GPIHBP1: variants seen among roughly 807,000 people sequenced by gnomAD.
GPIHBP1 encodes glycosylphosphatidylinositol-anchored high density lipoprotein-binding protein 1.
Under a neutral mutation model 13.0 loss-of-function variants are expected in GPIHBP1, and 11 were observed. The ratio of observed to expected loss-of-function variants is 0.84; its 90% confidence interval spans 0.53 to 1.40. GPIHBP1 has a LOEUF of 1.40. GPIHBP1 is among the 40% of genes most tolerant of loss of function. The pLI is 0.00. For missense variants in GPIHBP1, 231 were observed against 241.1 expected (o/e 0.96, Z 0.28); for synonymous variants, 106 against 102.2 (o/e 1.04, Z -0.22).
intron 1 of GPIHBP1, 62 bp from the exon 2 acceptor site, chr8:143,213,760 C>G: frequency 6.4e-7 from 1 of 1,567,188 alleles, no homozygotes; most frequent in South Asian, 1.2e-5. Context: ...ACGATGCTTG[C>G]CCAGAGCAGG....
At position 143,213,875 on chromosome 8, in the gene GPIHBP1, G is replaced by A; in HGVS notation, c.106G>A (p.Asp36Asn). The A allele has an allele frequency of 6.4e-7, 1 of 1,553,740 alleles. No homozygotes were observed. Among genetic ancestry groups the A allele is most frequent in the Non-Finnish European group, 8.7e-7 (1 of 1,148,280 alleles). The part of the protein sequence containing the change: ...EEEEDEDHGP[D>N]DYDEEDEDEV... The stretch of plus-strand genomic sequence containing the variant: ...GGAAGAGGACGAGGACCACGGGCCA[G>A]ATGACTACGACGAGGAAGATGAGGA... The change falls in exon 2 of 4, where the codon GAT (aspartate) becomes AAT (asparagine). Residue 36 changes from aspartate to asparagine, a missense_variant. Physicochemically the swap from Asp to Asn is conservative, Grantham distance 23 (BLOSUM62 1). Transcript: ENST00000622500.
Position 143,214,779 on chromosome 8 carries a change from G to A in GPIHBP1, c.182-234G>A, listed in dbSNP as rs991135751. ...AGCATTGTCGCAGGACGTGAGTGATGATGGGAAGTTCGCCCTGCCTGACCC... is the reference window on the plus strand; with the variant it reads ...AGCATTGTCGCAGGACGTGAGTGATAATGGGAAGTTCGCCCTGCCTGACCC... On this transcript the variant is annotated intron_variant, in intron 2 of 3. Transcript: ENST00000622500. The surrounding 1 kb of genome is among the most constrained non-coding windows in gnomAD (Gnocchi z 4.1). Among the ~76,000 whole-genome samples, 1 of 152,232 alleles carries A rather than the reference G, an allele frequency of 6.6e-6. No homozygotes were observed. The highest frequency in any genetic ancestry group is 2.4e-5 in the African/African-American group (1 of 41,458).
At position 143,215,265 on chromosome 8, in the gene GPIHBP1, G is replaced by A. The variant is rs761154174; in HGVS notation, c.302G>A (p.Gly101Asp). The part of the protein sequence containing the change: ...TLIAHGNTES[G>D]LLTTHSTWCT... Reference sequence around the variant, plus strand: ...TCCCCACTCCCCTTCCCAGAGTCAGGCCTCCTGACCACCCACTCCACGTGG... The same window carrying A: ...TCCCCACTCCCCTTCCCAGAGTCAGACCTCCTGACCACCCACTCCACGTGG... The change falls in exon 4 of 4, where the codon GGC becomes GAC. Residue 101 changes from glycine (G) to aspartate (D), a missense_variant. Physicochemically the swap from Gly to Asp is moderately conservative, Grantham distance 94 (BLOSUM62 -1). Coordinates refer to ENST00000622500, the MANE Select transcript of GPIHBP1 (RefSeq NM_178172.6). 1 of 1,612,968 alleles carries A rather than the reference G, an allele frequency of 6.2e-7. No individual in the cohort carries two copies. Among genetic ancestry groups the A allele is most frequent in the Middle Eastern group, 1.6e-4 (1 of 6,062 alleles).
Position 143,216,159 on chromosome 8 carries a change from G to T in GPIHBP1, c.*641G>T, listed in dbSNP as rs1816307903. 1 of 153,674 alleles carries T rather than the reference G, an allele frequency of 6.5e-6. No homozygotes were observed. Among genetic ancestry groups the T allele is most frequent in the Non-Finnish European group, 1.4e-5 (1 of 69,088 alleles). 9.5% of individuals were successfully genotyped at this position (153,674 alleles called of 1,614,324 possible). ...GTATGAAGAGGATGGGGCCAGCGGG[G>T]CCTGTCTGGCTATGGCGTGAGCACC... On this transcript the variant is annotated 3_prime_UTR_variant, in exon 4 of 4. Transcript: ENST00000622500.
chr8:143,213,990 G>A (rs1251513882), intron 2 of GPIHBP1, 40 bp downstream of exon 2: 1 of 1,548,212 alleles, frequency 6.5e-7, no homozygotes. Context: ...TGCCTGATCT[G>A]CCTGGAGCAT....
Position 143,215,559 on chromosome 8 carries a change from C to T in GPIHBP1, c.*41C>T, listed in dbSNP as rs1177498092. On this transcript the variant is annotated 3_prime_UTR_variant, in exon 4 of 4. Coordinates refer to ENST00000622500, the MANE Select transcript of GPIHBP1 (RefSeq NM_178172.6). ...CACCCCCACCCGGCTCACCCCCGGC[C>T]CTGCCAGCACTCTGTCTGGTACCTT... 2 of 1,473,852 alleles carry T rather than the reference C, an allele frequency of 1.4e-6. No individual in the cohort carries two copies. Among genetic ancestry groups the T allele is most frequent in the African/African-American group, 2.8e-5 (2 of 71,758 alleles). 91.3% of individuals were successfully genotyped at this position (1,473,852 alleles called of 1,614,324 possible). A position where few individuals can be genotyped will look rare whatever the true frequency, so the allele number is the denominator to read the frequency against.
Position 143,214,979 on chromosome 8 carries a change from GC to G in GPIHBP1, c.182-31del, listed in dbSNP as rs1394011180. On this transcript the variant is annotated intron_variant, in intron 2 of 3. Coordinates refer to ENST00000622500, the MANE Select transcript of GPIHBP1 (RefSeq NM_178172.6). This position sits in a 1 kb window ranked among gnomAD's most constrained non-coding sequence, Gnocchi z 4.1. ...GGGACGTGGGAGGAGACCCTGGGGG[GC>G]CCGGCCTCGGCCTGAGCCCGCCTTG... 3 of 1,438,688 alleles carry G rather than the reference GC, an allele frequency of 2.1e-6. No individual in the cohort carries two copies. Among genetic ancestry groups the G allele is most frequent in the Non-Finnish European group, 2.9e-6 (3 of 1,045,992 alleles). 89.1% of individuals were successfully genotyped at this position (1,438,688 alleles called of 1,614,324 possible).
At position 143,213,888 on chromosome 8, in the gene GPIHBP1, A is replaced by T; in HGVS notation, c.119A>T (p.Glu40Val). 1 of 1,552,328 alleles carries T rather than the reference A, an allele frequency of 6.4e-7. No individual in the cohort carries two copies. The highest frequency in any genetic ancestry group is 2.4e-5 in the East Asian group (1 of 41,004). Residue 40 changes from glutamate (E) to valine (V), a missense_variant, in exon 2 of 4, where the codon GAG becomes GTG. Physicochemically the swap from Glu to Val is moderately radical, Grantham distance 121. Coordinates refer to ENST00000622500, the MANE Select transcript of GPIHBP1 (RefSeq NM_178172.6). ...GACCACGGGCCAGATGACTACGACG[A>T]GGAAGATGAGGATGAGGTGGAAGAG... Reference protein sequence around the residue: ...DEDHGPDDYDEEDEDEVEEEE... With the variant: ...DEDHGPDDYDVEDEDEVEEEE...
In GPIHBP1 at chr8:143,214,857, G is replaced by A. The variant is rs1816276609; in HGVS notation, c.182-156G>A. 6.6e-6 allele frequency among the ~76,000 whole-genome samples: 1 copy of A among 152,212 alleles called. No individual in the cohort carries two copies. Among genetic ancestry groups the A allele is most frequent in the Admixed American group, 6.5e-5 (1 of 15,284 alleles). Reference sequence around the variant, plus strand: ...GCTCACGCACACAGCACAGCTTACAGGACCAAGTCAGGGGTCGCCCGCCCA... The same window carrying A: ...GCTCACGCACACAGCACAGCTTACAAGACCAAGTCAGGGGTCGCCCGCCCA... On this transcript the variant is annotated intron_variant, in intron 2 of 3. Coordinates refer to ENST00000622500, the MANE Select transcript of GPIHBP1 (RefSeq NM_178172.6). The surrounding 1 kb of genome is among the most constrained non-coding windows in gnomAD (Gnocchi z 4.1).
rs560796636 is a variant in GPIHBP1, at chr8:143,214,824, A to G, written c.182-189A>G. Among the ~76,000 whole-genome samples the G allele has an allele frequency of 1.3e-5, 2 of 152,258 alleles. No homozygotes were observed. The highest frequency in any genetic ancestry group is 3.9e-4 in the East Asian group (2 of 5,176). On this transcript the variant is annotated intron_variant, in intron 2 of 3. Transcript: ENST00000622500. This position sits in a 1 kb window ranked among gnomAD's most constrained non-coding sequence, Gnocchi z 4.1. ...TGACCCGCAATCCCTTGCCCCCTAA[A>G]CACACAGGCTCACGCACACAGCACA...
chr8:143,215,153 T>C (rs56046179), intron 3 of GPIHBP1, 27 bp downstream of exon 3: 1,440,601 of 1,610,008 alleles, frequency 0.89, 646,223 homozygotes, highest in Middle Eastern at 0.93. Context: ...CCGCAGCACA[T>C]GCACCCCCAG....
intron 3 of GPIHBP1, 63 bp from the exon 4 acceptor site, chr8:143,215,196 C>T: frequency 6.2e-7 from 1 of 1,611,790 alleles, no homozygotes; most frequent in Non-Finnish European, 8.5e-7. Context: ...GGAACAGAGC[C>T]CTGCAGAGCC....
rs952858869 is a variant in GPIHBP1, at chr8:143,214,695, G to A, written c.182-318G>A. Among the ~76,000 whole-genome samples the A allele has an allele frequency of 7.9e-5, 12 of 152,152 alleles. No individual in the cohort carries two copies. The highest frequency in any genetic ancestry group is 1.8e-4 in the Non-Finnish European group (12 of 68,028). ...TCCTCTGCCAGGCCTGGTGCTCCTG[G>A]AGGCAGGACTGAGTCAGACCCACCT... On this transcript the variant is annotated intron_variant, in intron 2 of 3. Transcript: ENST00000622500. This position sits in a 1 kb window ranked among gnomAD's most constrained non-coding sequence, Gnocchi z 4.1.
At chr8:143,213,387 A>C in intron 1 of GPIHBP1, 68 bp downstream of exon 1, 1 of 1,303,104 alleles carries the variant, frequency 7.7e-7, no homozygotes, top group Non-Finnish European at 1.1e-6. Flanking sequence ...AGGGACCTCC[A>C]GGGACCCCCA....
In GPIHBP1 at chr8:143,215,640, C is replaced by A. The variant is rs1408800183; in HGVS notation, c.*122C>A. 1.1e-6 allele frequency: 1 copy of A among 873,426 alleles called. No individual in the cohort carries two copies. The highest frequency in any genetic ancestry group is 1.7e-6 in the Non-Finnish European group (1 of 581,796). The allele number at this position is 873,426 out of a possible 1,614,324, so 54.1% of individuals were successfully genotyped here. ...ATGGATTTGGAGTGTCTTGGGCGATCCAGCCAGCGCAGGCCCCCCGGCCCG... is the reference window on the plus strand; with the variant it reads ...ATGGATTTGGAGTGTCTTGGGCGATACAGCCAGCGCAGGCCCCCCGGCCCG... On this transcript the variant is annotated 3_prime_UTR_variant, in exon 4 of 4. Transcript: ENST00000622500.
intron 1 of GPIHBP1, 30 bp from the exon 2 acceptor site, chr8:143,213,792 T>G (rs1816257203): frequency 1.3e-5 from 21 of 1,574,760 alleles, no homozygotes; most frequent in Non-Finnish European, 1.7e-5. Context: ...CCCGGGTAGC[T>G]GAGGCTTACA....
At chr8:143,213,709 G>A (rs1376160268) in intron 1 of GPIHBP1, 113 bp from the exon 2 acceptor site, 1 of 1,475,234 alleles carries the variant, frequency 6.8e-7, no homozygotes, top group African/African-American at 1.4e-5. Context: ...CAGCCACCCT[G>A]GGGCCCGAGG....
chr8:143,215,453 G>A lies in GPIHBP1; in HGVS notation c.490G>A (p.Val164Met). Residue 164 changes from valine (V) to methionine (M), a missense_variant, in exon 4 of 4, where the codon GTG becomes ATG. By Grantham distance (21) the Val-to-Met change is conservative. Transcript: ENST00000622500. ...AGGPRGSSET[V>M]GAALLLNLLA... The stretch of plus-strand genomic sequence containing the variant: ...CGGCCCCCGGGGCAGCTCCGAAACT[G>A]TGGGCGCAGCCCTCCTGCTCAACCT... 1.1e-5 allele frequency: 17 copies of A among 1,612,360 alleles called. No homozygotes were observed. The highest frequency in any genetic ancestry group is 1.4e-5 in the Non-Finnish European group (17 of 1,179,880).
chr8:143,213,540 G>A (rs1478510482), intron 1 of GPIHBP1, among the ~76,000 whole-genome samples: 1 of 151,922 alleles, frequency 6.6e-6, no homozygotes, highest in African/African-American at 2.4e-5. Context: ...TACCATAAAG[G>A]GCCAGCCCAC....
Sources: allele counts gnomAD v4.1 joint callset (sites outside exome capture counted in the v4.1 genomes callset), GRCh38; gene constraint gnomAD v4.1.1; non-coding constraint Gnocchi (gnomAD v3.1); transcripts MANE v1.5; gene names NCBI Gene and HGNC (gene_info 2026-07-23, HGNC 2026-07-21).